CLMP: variants seen among roughly 807,000 people sequenced by gnomAD.
CLMP encodes CXADR-like membrane protein.
Under a neutral mutation model 45.2 loss-of-function variants are expected in CLMP, and 27 were observed. The observed-to-expected ratio is 0.60, with a 90% CI of 0.44 to 0.82. The LOEUF (loss-of-function observed/expected upper bound fraction) is 0.82, where lower values mean the gene tolerates loss of function less well. Ranked by LOEUF, CLMP falls within the 40% of genes least tolerant of loss-of-function variation. The pLI is 0.00. For synonymous variants in CLMP, 167 were observed against 171.4 expected (o/e 0.97, Z 0.20); for missense variants, 403 against 448.4 (o/e 0.90, Z 0.91).
intron 1 of CLMP, among the ~76,000 whole-genome samples, chr11:123,134,464 G>A (rs1861039515): frequency 6.6e-6 from 1 of 151,766 alleles, no homozygotes; most frequent in African/African-American, 2.4e-5. Flanking sequence ...CTGGTACTTA[G>A]GCAAAGGGGA....
chr11:123,133,489 A>G (rs1861021483), intron 1 of CLMP, among the ~76,000 whole-genome samples: 1 of 152,064 alleles, frequency 6.6e-6, no homozygotes, highest in African/African-American at 2.4e-5. Context: ...GCATCCATTG[A>G]TTCCCCTACC....
At chr11:123,142,484 T>C (rs1861174353) in intron 1 of CLMP, among the ~76,000 whole-genome samples, 1 of 152,156 alleles carries the variant, frequency 6.6e-6, no homozygotes. Flanking sequence ...GCAGAGAAAG[T>C]GGGAAACCTA....
chr11:123,175,149 G>A (rs918370210), intron 1 of CLMP, among the ~76,000 whole-genome samples: 1 of 152,102 alleles, frequency 6.6e-6, no homozygotes, highest in Non-Finnish European at 1.5e-5. Context: ...AAGAGACGGG[G>A]TGTATTAGTC....
At chr11:123,081,879 G>T (rs1265578254) in intron 5 of CLMP, among the ~76,000 whole-genome samples, 1 of 150,946 alleles carries the variant, frequency 6.6e-6, no homozygotes, top group Non-Finnish European at 1.5e-5. Flanking sequence ...AAAAAAAAAG[G>T]AAAAAAAGAA....
intron 1 of CLMP, among the ~76,000 whole-genome samples, chr11:123,126,770 G>A (rs1001222558): frequency 2.6e-5 from 4 of 151,936 alleles, no homozygotes; most frequent in South Asian, 2.1e-4. Context: ...GGTGGTGGGC[G>A]CCTGTAGTCC....
chr11:123,106,436 C>T lies in CLMP; in HGVS notation c.29-8484G>A, dbSNP rs888071187. Among the ~76,000 whole-genome samples, 935 of 100,948 alleles carry T rather than the reference C, an allele frequency of 9.3e-3. 18 individuals are homozygous for T. In the East Asian group the frequency reaches 0.14, roughly 15 times the overall value. 66.2% of individuals were successfully genotyped at this position (100,948 alleles called of 152,430 possible). On this transcript the variant is annotated intron_variant, in intron 1 of 6. Coordinates refer to ENST00000448775, the MANE Select transcript of CLMP (RefSeq NM_024769.5). ...GTGTGTGTGTGTGTGCGCGCGCGCGCGCGCACGTGCCTGCCTTCCAGATTG... is the reference window on the plus strand; with the variant it reads ...GTGTGTGTGTGTGTGCGCGCGCGCGTGCGCACGTGCCTGCCTTCCAGATTG...
In CLMP at chr11:123,071,576, T is replaced by C; in HGVS notation, c.*1898A>G. Reference sequence around the variant, plus strand: ...CTGTCTCTATCAGAACTCCAAAAATTAGCTGGGTGTGATGGCAGGCACCTG... The same window carrying C: ...CTGTCTCTATCAGAACTCCAAAAATCAGCTGGGTGTGATGGCAGGCACCTG... On this transcript the variant is annotated 3_prime_UTR_variant, in exon 7 of 7. Coordinates refer to ENST00000448775, the MANE Select transcript of CLMP (RefSeq NM_024769.5). 1 of 152,024 alleles carries C rather than the reference T, an allele frequency of 6.6e-6. No homozygotes were observed. Among genetic ancestry groups the C allele is most frequent in the Middle Eastern group, 3.4e-3 (1 of 294 alleles). 9.4% of individuals were successfully genotyped at this position (152,024 alleles called of 1,614,324 possible).
chr11:123,167,386 C>A lies in CLMP; in HGVS notation c.28+27527G>T, dbSNP rs542424417. 2.9e-3 allele frequency among the ~76,000 whole-genome samples: 440 copies of A among 152,244 alleles called. 3 individuals are homozygous for A. The highest frequency in any genetic ancestry group is 2.9e-3 in the Non-Finnish European group (199 of 68,022). ...CTGCAAGCTCCACCTCCTGGGTTCA[C>A]ACCATTCTCCTGCCTCAGCCTCCTG... is the stretch of plus-strand genomic sequence containing the variant. On this transcript the variant is annotated intron_variant, in intron 1 of 6. Coordinates refer to ENST00000448775, the MANE Select transcript of CLMP (RefSeq NM_024769.5).
At chr11:123,166,876 A>T (rs1224601747) in intron 1 of CLMP, among the ~76,000 whole-genome samples, 1 of 152,206 alleles carries the variant, frequency 6.6e-6, no homozygotes, top group Non-Finnish European at 1.5e-5. Context: ...ACATGCATCG[A>T]AACATCTCAT....
intron 5 of CLMP, among the ~76,000 whole-genome samples, chr11:123,075,135 A>G (rs751470499): frequency 6.6e-6 from 1 of 151,070 alleles, no homozygotes; most frequent in Non-Finnish European, 1.5e-5. Flanking sequence ...TTGTATTTTT[A>G]GTAGAAACGG....
intron 1 of CLMP, among the ~76,000 whole-genome samples, chr11:123,165,355 C>T (rs78711693): frequency 0.014 from 2,176 of 152,308 alleles, 46 homozygotes; most frequent in African/African-American, 0.05. Flanking sequence ...ACAACTTTAG[C>T]TTCATTCATA....
chr11:123,078,060 C>T (rs1281000933), intron 5 of CLMP, among the ~76,000 whole-genome samples: 2 of 151,652 alleles, frequency 1.3e-5, no homozygotes, highest in Non-Finnish European at 2.9e-5. Flanking sequence ...GAGCCGAGAT[C>T]GCACCATTGC....
At chr11:123,161,054 G>A (rs898403934) in intron 1 of CLMP, among the ~76,000 whole-genome samples, 1 of 151,736 alleles carries the variant, frequency 6.6e-6, no homozygotes, top group African/African-American at 2.4e-5. Context: ...AGATTTCCTT[G>A]GCCTTCCTTT....
At chr11:123,190,332 C>T (rs1861892754) in intron 1 of CLMP, among the ~76,000 whole-genome samples, 1 of 152,036 alleles carries the variant, frequency 6.6e-6, no homozygotes, top group African/African-American at 2.4e-5. Context: ...GTGAACAGTG[C>T]CTGAAAAAAT....
Position 123,102,367 on chromosome 11 carries a change from G to T in CLMP, c.29-4415C>A, listed in dbSNP as rs189618489. 5.0e-3 allele frequency among the ~76,000 whole-genome samples: 699 copies of T among 139,848 alleles called. 8 individuals carry two copies. Among genetic ancestry groups the T allele is most frequent in the African/African-American group, 0.018 (673 of 37,358 alleles). 91.7% of individuals were successfully genotyped at this position (139,848 alleles called of 152,430 possible). ...ACAATCTTGGCTCAGTGCAACCTCCGACTCCCCGGTTCAAGTGATTCTCCT... is the reference window on the plus strand; with the variant it reads ...ACAATCTTGGCTCAGTGCAACCTCCTACTCCCCGGTTCAAGTGATTCTCCT... On this transcript the variant is annotated intron_variant, in intron 1 of 6. Transcript: ENST00000448775.
chr11:123,111,218 C>T (rs1269468009), intron 1 of CLMP, among the ~76,000 whole-genome samples: 1 of 152,004 alleles, frequency 6.6e-6, no homozygotes, highest in African/African-American at 2.4e-5. Flanking sequence ...GGGCTCACTG[C>T]AACTTCTGCC....
chr11:123,185,964 G>A (rs1861829085), intron 1 of CLMP, among the ~76,000 whole-genome samples: 1 of 152,196 alleles, frequency 6.6e-6, no homozygotes, highest in African/African-American at 2.4e-5. Context: ...AACTGGGGGT[G>A]AGGAACTTGC....
intron 1 of CLMP, among the ~76,000 whole-genome samples, chr11:123,123,683 TG>T (rs758071300): frequency 6.6e-5 from 10 of 152,220 alleles, no homozygotes; most frequent in Admixed American, 1.3e-4. Context: ...CCATGTATTA[TG>T]TACAGCATTG....
intron 1 of CLMP, chr11:123,136,109 G>T: frequency 1.6e-6 from 1 of 618,178 alleles, no homozygotes; most frequent in Non-Finnish European, 3.2e-6. Flanking sequence ...TCTGCACGTA[G>T]CCACTATGAC....
Sources: allele counts gnomAD v4.1 joint callset (sites outside exome capture counted in the v4.1 genomes callset), GRCh38; gene constraint gnomAD v4.1.1; transcripts MANE v1.5; gene names NCBI Gene and HGNC (gene_info 2026-07-23, HGNC 2026-07-21).